SLC4A4: variants seen among roughly 807,000 people sequenced by gnomAD.
SLC4A4 encodes the protein electrogenic sodium bicarbonate cotransporter 1.
Under a neutral mutation model 111.5 loss-of-function variants are expected in SLC4A4, and 27 were observed. That is an observed-to-expected ratio of 0.24 (90% CI 0.18 to 0.33). The LOEUF is 0.33. SLC4A4 is among the 10% of genes least tolerant of loss of function. The pLI is 1.00. For missense variants in SLC4A4, 909 were observed against 1,315.5 expected (o/e 0.69, Z 4.78); for synonymous variants, 443 against 463.4 (o/e 0.96, Z 0.57).
chr4:71,187,816 C>T (rs1745551883), intron 1 of SLC4A4, among the ~76,000 whole-genome samples: 2 of 152,068 alleles, frequency 1.3e-5, no homozygotes, highest in African/African-American at 4.8e-5. Context: ...GAACACATCC[C>T]TAAACCCATC....
At chr4:71,277,642 A>T in intron 3 of SLC4A4, among the ~76,000 whole-genome samples, 19 of 105,702 alleles carry the variant, frequency 1.8e-4, no homozygotes, top group Admixed American at 3.7e-4. Flanking sequence ...TCTCTCATTC[A>T]CTTCTCTCTC....
chr4:71,081,163 CT>C (rs1741984650), intron 1 of SLC4A4, among the ~76,000 whole-genome samples: 2 of 152,222 alleles, frequency 1.3e-5, no homozygotes, highest in South Asian at 4.1e-4. Flanking sequence ...ACATCTCTGC[CT>C]TTCCCACCCT....
intron 1 of SLC4A4, among the ~76,000 whole-genome samples, chr4:71,225,679 G>A (rs1719002142): frequency 6.6e-6 from 1 of 152,142 alleles, no homozygotes; most frequent in Admixed American, 6.5e-5. Flanking sequence ...TGTCAGCTGT[G>A]TGTGTCAGAG....
At chr4:71,551,645 C>G (rs931734804) in intron 20 of SLC4A4, among the ~76,000 whole-genome samples, 1 of 151,924 alleles carries the variant, frequency 6.6e-6, no homozygotes, top group Non-Finnish European at 1.5e-5. Context: ...TCATAACCCT[C>G]AGGGTTTACA....
At chr4:71,495,074 G>T (rs940319682) in intron 15 of SLC4A4, among the ~76,000 whole-genome samples, 1 of 152,010 alleles carries the variant, frequency 6.6e-6, no homozygotes, top group Non-Finnish European at 1.5e-5. Context: ...AATGAAAGGT[G>T]GTATTTGGAG....
chr4:71,364,591 A>G (rs148457365), intron 6 of SLC4A4, among the ~76,000 whole-genome samples: 44 of 152,312 alleles, frequency 2.9e-4, no homozygotes, highest in African/African-American at 1.0e-3. Flanking sequence ...GGAAGGGGCA[A>G]ACATTCCTTC....
intron 1 of SLC4A4, among the ~76,000 whole-genome samples, chr4:71,190,376 A>G (rs1350689314): frequency 2.9e-5 from 4 of 137,400 alleles, no homozygotes; most frequent in African/African-American, 7.9e-5. Context: ...AGTTCTGTCT[A>G]TGTATGTTTA....
At chr4:71,394,589 G>A (rs1002763687) in intron 6 of SLC4A4, among the ~76,000 whole-genome samples, 4 of 152,062 alleles carry the variant, frequency 2.6e-5, no homozygotes, top group Non-Finnish European at 5.9e-5. Context: ...TGGAAAACTG[G>A]AAAACAGTGT....
At chr4:71,176,427 T>A (rs974467664) in intron 2 of SLC4A4, among the ~76,000 whole-genome samples, 3 of 152,056 alleles carry the variant, frequency 2.0e-5, no homozygotes, top group Non-Finnish European at 4.4e-5. Flanking sequence ...GTTAAAAACC[T>A]TGAAAAAAAA....
chr4:71,511,020 T>C (rs1275150556), intron 16 of SLC4A4, among the ~76,000 whole-genome samples: 1 of 152,114 alleles, frequency 6.6e-6, no homozygotes, highest in Non-Finnish European at 1.5e-5. Flanking sequence ...CCCCCAATAA[T>C]TTTTTTATGT....
At chr4:71,555,007 T>C (rs1218757613) in intron 20 of SLC4A4, 133 bp from the exon 21 acceptor site, 6 of 712,508 alleles carry the variant, frequency 8.4e-6, no homozygotes, top group African/African-American at 3.5e-5. Context: ...TAGTAAAGCA[T>C]ACTAGTTAGA....
intron 2 of SLC4A4, among the ~76,000 whole-genome samples, chr4:71,103,607 A>T (rs1742826401): frequency 6.6e-6 from 1 of 152,228 alleles, no homozygotes; most frequent in Non-Finnish European, 1.5e-5. Context: ...AGAACTCAGA[A>T]TTAAGAATCT....
intron 7 of SLC4A4, among the ~76,000 whole-genome samples, chr4:71,402,811 C>G (rs1720489693): frequency 1.3e-5 from 2 of 152,156 alleles, no homozygotes; most frequent in Non-Finnish European, 2.9e-5. Flanking sequence ...ATCCTTGGGC[C>G]CCTTTCACAG....
intron 8 of SLC4A4, among the ~76,000 whole-genome samples, chr4:71,443,396 C>T (rs540607938): frequency 8.6e-5 from 13 of 151,728 alleles, no homozygotes; most frequent in South Asian, 8.3e-4. Context: ...GTAATCCACC[C>T]GCCTCGGCCT....
Position 71,532,049 on chromosome 4 carries a change from T to G in SLC4A4, c.2167-13T>G. 6.4e-7 allele frequency: 1 copy of G among 1,552,232 alleles called. No individual in the cohort carries two copies. The highest frequency in any genetic ancestry group is 8.9e-7 in the Non-Finnish European group (1 of 1,124,364). On this transcript the variant is annotated splice_polypyrimidine_tract_variant and intron_variant, in intron 16 of 25. Coordinates refer to ENST00000264485, the MANE Select transcript of SLC4A4 (RefSeq NM_001098484.3). ...GTGCTAAATGGTTCCTGGTTTCTTT[T>G]TTATTTTTCCAGGCAAGAAAACTGA...
At chr4:71,151,747 C>T (rs1359878767) in intron 2 of SLC4A4, among the ~76,000 whole-genome samples, 2 of 143,640 alleles carry the variant, frequency 1.4e-5, no homozygotes, top group African/African-American at 2.7e-5. Flanking sequence ...AGGGAGATCC[C>T]ATTTCTACTA....
At chr4:71,064,776 G>A (rs930716577) in intron 1 of SLC4A4, among the ~76,000 whole-genome samples, 1 of 152,182 alleles carries the variant, frequency 6.6e-6, no homozygotes, top group Non-Finnish European at 1.5e-5. Context: ...GAGTGGAATG[G>A]CTTTAGCATC....
In SLC4A4 at chr4:71,257,950, A is replaced by G. The variant is rs552881340; in HGVS notation, c.253+2551A>G. Among the ~76,000 whole-genome samples, 43 of 152,048 alleles carry G rather than the reference A, an allele frequency of 2.8e-4. No individual in the cohort carries two copies. In the South Asian group the frequency reaches 8.3e-3, roughly 29 times the overall value. On this transcript the variant is annotated intron_variant, in intron 3 of 25. Coordinates refer to ENST00000264485, the MANE Select transcript of SLC4A4 (RefSeq NM_001098484.3). ...CTGTTCTTTTCAGTTTTGCGGTCAC[A>G]TTTTTGTCCAGGGAATCATCACCTC... is the stretch of plus-strand genomic sequence containing the variant.
At chr4:71,205,735 A>G (rs531903726) in intron 1 of SLC4A4, among the ~76,000 whole-genome samples, 1 of 152,358 alleles carries the variant, frequency 6.6e-6, no homozygotes, top group South Asian at 2.1e-4. Flanking sequence ...AGAGCCTGTC[A>G]GCTGCAAGAC....
Sources: allele counts gnomAD v4.1 joint callset (sites outside exome capture counted in the v4.1 genomes callset), GRCh38; gene constraint gnomAD v4.1.1; transcripts MANE v1.5; gene names NCBI Gene and HGNC (gene_info 2026-07-23, HGNC 2026-07-21).